Variants in PDS5A observed in about 807,000 individuals in gnomAD.
The protein encoded by PDS5A is sister chromatid cohesion protein PDS5 homolog A.
PDS5A carries 42 observed loss-of-function variants against 167.1 expected under a neutral mutation model. The observed-to-expected ratio is 0.25, with a 90% CI of 0.20 to 0.33. The LOEUF is 0.33. Ranked by LOEUF, PDS5A falls within the 10% of genes least tolerant of loss-of-function variation. The pLI, the probability that PDS5A is intolerant of heterozygous loss-of-function variation, is 1.00. For synonymous variants in PDS5A, 553 were observed against 554.6 expected, an observed-to-expected ratio of 1.00 and a Z score of 0.04; for missense variants, 1,033 against 1,605.9, an observed-to-expected ratio of 0.64 and a Z score of 6.10.
intron 11 of PDS5A, 107 bp downstream of exon 11, chr4:39,908,287 AT>A: frequency 1.2e-6 from 1 of 857,466 alleles, no homozygotes; most frequent in South Asian, 1.4e-5. Context: ...ATTGTTATTA[AT>A]TTGATTTTCA....
chr4:39,827,762 C>G (rs565869859), intron 32 of PDS5A, among the ~76,000 whole-genome samples: 4 of 152,214 alleles, frequency 2.6e-5, no homozygotes, highest in African/African-American at 9.6e-5. Flanking sequence ...GACTAGAAAC[C>G]CACAGTCTGT....
intron 18 of PDS5A, among the ~76,000 whole-genome samples, chr4:39,878,426 T>G (rs1335178758): frequency 6.6e-6 from 1 of 151,900 alleles, no homozygotes; most frequent in Admixed American, 6.6e-5. Context: ...AAACCCCATC[T>G]CTACTAAAAA....
intron 2 of PDS5A, among the ~76,000 whole-genome samples, chr4:39,937,023 TGTA>T (rs1726683965): frequency 6.6e-6 from 1 of 152,274 alleles, no homozygotes; most frequent in East Asian, 1.9e-4. Flanking sequence ...AATCTGGACA[TGTA>T]ATCCTCCCAG....
chr4:39,835,505 C>T (rs149659468), intron 32 of PDS5A, among the ~76,000 whole-genome samples: 12 of 152,194 alleles, frequency 7.9e-5, no homozygotes, highest in African/African-American at 2.9e-4. Context: ...TTCAGGGTTC[C>T]AGCATGTATC....
intron 31 of PDS5A, among the ~76,000 whole-genome samples, chr4:39,840,708 G>A (rs1716920648): frequency 6.6e-6 from 1 of 152,038 alleles, no homozygotes; most frequent in Admixed American, 6.6e-5. Flanking sequence ...CTCCCGCATA[G>A]CTGGGACTCC....
At position 39,935,895 on chromosome 4, in the gene PDS5A, T is replaced by C. The variant is rs145666325; in HGVS notation, c.139-7731A>G. 1.9e-3 allele frequency among the ~76,000 whole-genome samples: 286 copies of C among 152,332 alleles called. 1 individual carries two copies. The highest frequency in any genetic ancestry group is 6.7e-3 in the African/African-American group (280 of 41,578). ...CATTCTTAAGAATTTACTGAAAACA[T>C]TTCACACAAATACAAGTACGTGTTC... On this transcript the variant is annotated intron_variant, in intron 2 of 32. Transcript: ENST00000303538.
chr4:39,836,852 AG>A (rs943827963), intron 32 of PDS5A, among the ~76,000 whole-genome samples: 1 of 143,392 alleles, frequency 7.0e-6, no homozygotes, highest in African/African-American at 2.6e-5. Flanking sequence ...TCTGTCACCC[AG>A]GCTGGAGTGC....
intron 32 of PDS5A, among the ~76,000 whole-genome samples, chr4:39,830,756 C>T (rs1169363927): frequency 6.6e-6 from 1 of 152,134 alleles, no homozygotes; most frequent in Non-Finnish European, 1.5e-5. Context: ...CAGTCTTGTT[C>T]TTGGCATTGG....
chr4:39,855,864 T>C (rs1329886090), intron 26 of PDS5A, among the ~76,000 whole-genome samples: 1 of 152,060 alleles, frequency 6.6e-6, no homozygotes, highest in Non-Finnish European at 1.5e-5. Flanking sequence ...ATACTAACAT[T>C]AGACATCATG....
At chr4:39,867,773 CA>C (rs774359767) in intron 22 of PDS5A, among the ~76,000 whole-genome samples, 10,439 of 125,816 alleles carry the variant, frequency 0.083, 396 homozygotes, top group Non-Finnish European at 0.094. Flanking sequence ...CACACACACA[CA>C]CCCCACAACT....
intron 24 of PDS5A, 34 bp from the exon 25 acceptor site, chr4:39,863,107 C>T (rs759645624): frequency 1.3e-6 from 2 of 1,499,760 alleles, no homozygotes; most frequent in Admixed American, 3.5e-5. Context: ...AATTGGCAAC[C>T]ATTTATTAAA....
intron 32 of PDS5A, among the ~76,000 whole-genome samples, chr4:39,827,129 T>C (rs1315225326): frequency 6.6e-6 from 1 of 152,056 alleles, no homozygotes; most frequent in Non-Finnish European, 1.5e-5. Context: ...GCCTCTTGAG[T>C]AGCTGGGACT....
rs1293847009 is a variant in PDS5A, at chr4:39,898,840, A to G, written c.1582-15T>C. 6.4e-7 allele frequency: 1 copy of G among 1,561,310 alleles called. No homozygotes were observed. Among genetic ancestry groups the G allele is most frequent in the South Asian group, 1.2e-5 (1 of 86,042 alleles). ...TTAGCCTCTGACTGAAATTTAAAAC[A>G]GAAACAAAAGAACAACTAGTCATAT... On this transcript the variant is annotated splice_polypyrimidine_tract_variant and intron_variant, in intron 14 of 32. Coordinates refer to ENST00000303538, the MANE Select transcript of PDS5A (RefSeq NM_001100399.2).
intron 2 of PDS5A, among the ~76,000 whole-genome samples, chr4:39,964,403 A>G (rs1029441308): frequency 6.6e-6 from 1 of 152,210 alleles, no homozygotes; most frequent in East Asian, 1.9e-4. Flanking sequence ...TGAAGAAATT[A>G]TATCATAATA....
At chr4:39,864,986 T>C (rs1719307983) in intron 23 of PDS5A, among the ~76,000 whole-genome samples, 2 of 152,192 alleles carry the variant, frequency 1.3e-5, no homozygotes, top group Admixed American at 1.3e-4. Context: ...TACTCATGAA[T>C]TATGAGTGTA....
chr4:39,969,990 G>A (rs923988962), intron 2 of PDS5A, among the ~76,000 whole-genome samples: 10 of 147,480 alleles, frequency 6.8e-5, no homozygotes, highest in South Asian at 4.3e-4. Context: ...ACAGAGTCTC[G>A]CCCTGTTGCC....
At chr4:39,841,671 C>T (rs907538048) in intron 31 of PDS5A, among the ~76,000 whole-genome samples, 1 of 152,118 alleles carries the variant, frequency 6.6e-6, no homozygotes, top group African/African-American at 2.4e-5. Flanking sequence ...ACCACCACGC[C>T]CCGGTAATTT....
chr4:39,922,125 T>C (rs995388774), intron 6 of PDS5A, among the ~76,000 whole-genome samples: 5 of 152,168 alleles, frequency 3.3e-5, no homozygotes, highest in East Asian at 1.9e-4. Context: ...TGGAGATAAA[T>C]AGAAAAAGGA....
chr4:39,856,465 TA>T (rs1718534313), intron 26 of PDS5A, among the ~76,000 whole-genome samples: 1 of 152,222 alleles, frequency 6.6e-6, no homozygotes. Context: ...CAGGTACATT[TA>T]AAAGACAGTA....
Sources: allele counts gnomAD v4.1 joint callset (sites outside exome capture counted in the v4.1 genomes callset), GRCh38; gene constraint gnomAD v4.1.1; transcripts MANE v1.5; gene names NCBI Gene and HGNC (gene_info 2026-07-23, HGNC 2026-07-21).